The following ATRNL1 variants were observed in gnomAD, a reference collection of about 807,000 sequenced individuals.
The protein encoded by ATRNL1 is attractin-like protein 1.
Under a neutral mutation model 182.7 loss-of-function variants are expected in ATRNL1, and 95 were observed. The observed-to-expected ratio is 0.52, with a 90% CI of 0.44 to 0.62. ATRNL1 has a LOEUF of 0.62. Among genes scored for constraint, ATRNL1 ranks in the 20% least tolerant of loss-of-function variants. The pLI, the probability that ATRNL1 is intolerant of heterozygous loss-of-function variation, is 0.00. For synonymous variants in ATRNL1, 576 were observed against 568.3 expected, an observed-to-expected ratio of 1.01 and a Z score of -0.19; for missense variants, 1,471 against 1,679.5, an observed-to-expected ratio of 0.88 and a Z score of 2.17.
intron 27 of ATRNL1, among the ~76,000 whole-genome samples, chr10:115,809,319 TC>T (rs57929014): frequency 1 from 152,067 of 152,068 alleles, 76,033 homozygotes; most frequent in Middle Eastern, 1. Flanking sequence ...CCTCTGCATT[TC>T]CCGTATAAAT....
At chr10:115,654,251 GCT>G (rs1555035145) in intron 26 of ATRNL1, among the ~76,000 whole-genome samples, 1 of 151,464 alleles carries the variant, frequency 6.6e-6, no homozygotes, top group Non-Finnish European at 1.5e-5. Flanking sequence ...ATGGAGTCTG[GCT>G]CTGTCACCCA....
At chr10:115,385,201 T>A (rs1771345982) in intron 19 of ATRNL1, among the ~76,000 whole-genome samples, 1 of 152,144 alleles carries the variant, frequency 6.6e-6, no homozygotes, top group African/African-American at 2.4e-5. Context: ...TTCATTTTAT[T>A]GTCAACATTT....
At chr10:115,540,115 A>G (rs1463498452) in intron 25 of ATRNL1, among the ~76,000 whole-genome samples, 2 of 112,266 alleles carry the variant, frequency 1.8e-5, no homozygotes, top group Non-Finnish European at 4.4e-5. Context: ...TTACCCTAGA[A>G]CTTAAAGTAT....
intron 26 of ATRNL1, among the ~76,000 whole-genome samples, chr10:115,634,527 A>G (rs1267598718): frequency 5.3e-5 from 8 of 152,186 alleles, no homozygotes; most frequent in South Asian, 4.1e-4. Context: ...ATAATTTAAT[A>G]GTCCATTAAG....
At chr10:115,921,568 T>C (rs1201793253) in intron 28 of ATRNL1, among the ~76,000 whole-genome samples, 1 of 152,248 alleles carries the variant, frequency 6.6e-6, no homozygotes, top group Non-Finnish European at 1.5e-5. Flanking sequence ...TGGTTTTCAC[T>C]GTATGATAGT....
At chr10:115,097,903 A>G (rs2085055806) in intron 1 of ATRNL1, among the ~76,000 whole-genome samples, 1 of 152,202 alleles carries the variant, frequency 6.6e-6, no homozygotes, top group South Asian at 2.1e-4. Flanking sequence ...CAGCCTGGGC[A>G]ACAGAGCGAG....
At chr10:115,658,369 T>C (rs10885761) in intron 26 of ATRNL1, among the ~76,000 whole-genome samples, 43,840 of 151,688 alleles carry the variant, frequency 0.29, 7,220 homozygotes, top group East Asian at 0.58. Context: ...GAGCACATTT[T>C]TGTATTTAGG....
chr10:115,329,591 T>G (rs1217639703), intron 18 of ATRNL1, among the ~76,000 whole-genome samples: 3 of 152,158 alleles, frequency 2.0e-5, no homozygotes, highest in African/African-American at 7.2e-5. Flanking sequence ...AATTCTCGAT[T>G]GTTCTATCCT....
chr10:115,514,508 G>A lies in ATRNL1; in HGVS notation c.3655-4755G>A, dbSNP rs182212333. On this transcript the variant is annotated intron_variant, in intron 24 of 28. Coordinates refer to ENST00000355044, the MANE Select transcript of ATRNL1 (RefSeq NM_207303.4). ...AAATATATAGAGATGTTTCATGTGT[G>A]CCTATGTCTTGCTTACTTGCCTGAA... Among the ~76,000 whole-genome samples the A allele has an allele frequency of 1.2e-3, 178 of 151,894 alleles. 1 individual carries two copies. Among genetic ancestry groups the A allele is most frequent in the Non-Finnish European group, 2.0e-3 (133 of 67,858 alleles).
intron 26 of ATRNL1, among the ~76,000 whole-genome samples, chr10:115,645,239 G>T: frequency 6.6e-6 from 1 of 151,116 alleles, no homozygotes; most frequent in African/African-American, 2.4e-5. Context: ...AATATAAATG[G>T]GAAACTGTAT....
chr10:115,790,791 A>C (rs533696649), intron 27 of ATRNL1, among the ~76,000 whole-genome samples: 7 of 152,302 alleles, frequency 4.6e-5, no homozygotes, highest in Admixed American at 1.3e-4. Flanking sequence ...ATAAGCTTAA[A>C]GTAGAAAGAA....
chr10:115,796,119 C>G (rs782762244), intron 27 of ATRNL1, among the ~76,000 whole-genome samples: 1 of 151,940 alleles, frequency 6.6e-6, no homozygotes, highest in Non-Finnish European at 1.5e-5. Flanking sequence ...TGGGCCACAA[C>G]ATGCTGCACT....
intron 19 of ATRNL1, among the ~76,000 whole-genome samples, chr10:115,340,457 TTTTCTTTTCTTTTCTTTTC>T (rs1347698868): frequency 1.6e-4 from 22 of 134,234 alleles, no homozygotes; most frequent in African/African-American, 6.2e-4. Context: ...CTTTCTTTTT[TTTTCTTTTCTTTTCTTTTC>T]TTTTTTTTTT....
In ATRNL1 at chr10:115,093,611, G is replaced by T. The variant is rs1247468117; in HGVS notation, c.-140G>T. On this transcript the variant is annotated 5_prime_UTR_variant, in exon 1 of 29. Coordinates refer to ENST00000355044, the MANE Select transcript of ATRNL1 (RefSeq NM_207303.4). This position sits in a 1 kb window ranked among gnomAD's most constrained non-coding sequence, Gnocchi z 6.1. ...CGGTTGGGATCTGTCCCTCCTGACC[G>T]GGGAGCGGGACTCGGACGGGCGCCG... The T allele has an allele frequency of 8.1e-6, 8 of 985,214 alleles. No individual in the cohort carries two copies. Among genetic ancestry groups the T allele is most frequent in the Non-Finnish European group, 1.1e-5 (7 of 658,032 alleles). 61.0% of individuals were successfully genotyped at this position (985,214 alleles called of 1,614,324 possible).
At chr10:115,280,118 G>A (rs1554916331) in intron 13 of ATRNL1, among the ~76,000 whole-genome samples, 1 of 152,162 alleles carries the variant, frequency 6.6e-6, no homozygotes, top group African/African-American at 2.4e-5. Flanking sequence ...CTGGCATAAT[G>A]TAACTGCAAA....
At chr10:115,636,343 C>A (rs1858870759) in intron 26 of ATRNL1, among the ~76,000 whole-genome samples, 1 of 152,142 alleles carries the variant, frequency 6.6e-6, no homozygotes, top group Non-Finnish European at 1.5e-5. Context: ...AGACATCCTG[C>A]AGCCAGCCCT....
In ATRNL1 at chr10:115,912,363, A is replaced by T. The variant is rs1424006745; in HGVS notation, c.4019-32295A>T. Among the ~76,000 whole-genome samples the T allele has an allele frequency of 3.9e-5, 6 of 152,196 alleles. No individual in the cohort carries two copies. The East Asian group carries it at 1.2e-3, about 29-fold the overall frequency. Reference sequence around the variant, plus strand: ...ACTAGTAGTCAATAAAGTAGATATTAAAACAATAATCTTCACCTGTCAAAT... The same window carrying T: ...ACTAGTAGTCAATAAAGTAGATATTTAAACAATAATCTTCACCTGTCAAAT... On this transcript the variant is annotated intron_variant, in intron 28 of 28. Coordinates refer to ENST00000355044, the MANE Select transcript of ATRNL1 (RefSeq NM_207303.4).
intron 20 of ATRNL1, among the ~76,000 whole-genome samples, chr10:115,405,898 T>A (rs1291896911): frequency 1.4e-5 from 2 of 138,646 alleles, no homozygotes; most frequent in Non-Finnish European, 3.0e-5. Flanking sequence ...TGTGTCCATG[T>A]ATTCTCATTG....
intron 26 of ATRNL1, among the ~76,000 whole-genome samples, chr10:115,721,496 G>A (rs12254948): frequency 0.07 from 10,656 of 152,114 alleles, 807 homozygotes; most frequent in East Asian, 0.18. Flanking sequence ...GGCTGGGGAG[G>A]CCTCAGAATC....
Sources: allele counts gnomAD v4.1 joint callset (sites outside exome capture counted in the v4.1 genomes callset), GRCh38; gene constraint gnomAD v4.1.1; non-coding constraint Gnocchi (gnomAD v3.1); transcripts MANE v1.5; gene names NCBI Gene and HGNC (gene_info 2026-07-23, HGNC 2026-07-21).